Variants in NEGR1 observed in about 807,000 individuals in gnomAD.
The protein encoded by NEGR1 is neuronal growth regulator 1, also known as IgLON family member 4.
NEGR1 carries 10 observed loss-of-function variants against 40.9 expected under a neutral mutation model. The ratio of observed to expected loss-of-function variants is 0.24; its 90% CI spans 0.15 to 0.42. The LOEUF (loss-of-function observed/expected upper bound fraction) is 0.42, where lower values mean the gene tolerates loss of function less well. Among genes scored for constraint, NEGR1 ranks in the 10% least tolerant of loss-of-function variants. NEGR1 has a pLI of 1.00. For missense variants in NEGR1, 352 were observed against 438.9 expected, an observed-to-expected ratio of 0.80 and a Z score of 1.77; for synonymous variants, 185 against 166.8, an observed-to-expected ratio of 1.11 and a Z score of -0.84.
intron 3 of NEGR1, among the ~76,000 whole-genome samples, chr1:71,756,394 C>CA (rs1293104436): frequency 0.013 from 756 of 58,498 alleles, 10 homozygotes; most frequent in African/African-American, 0.047. Flanking sequence ...CTCAAAAAAA[C>CA]AAAAAACAAA....
intron 1 of NEGR1, among the ~76,000 whole-genome samples, chr1:72,231,619 T>C (rs987094216): frequency 6.6e-6 from 1 of 152,174 alleles, no homozygotes; most frequent in African/African-American, 2.4e-5. Flanking sequence ...TCATTATTTT[T>C]CCCCAATGAC....
intron 2 of NEGR1, among the ~76,000 whole-genome samples, chr1:71,821,486 T>C (rs1204600855): frequency 6.6e-6 from 1 of 152,002 alleles, no homozygotes; most frequent in Non-Finnish European, 1.5e-5. Context: ...ATTCATTTAA[T>C]ACTTAGAAAT....
At chr1:72,069,759 C>T (rs1253123179) in intron 1 of NEGR1, among the ~76,000 whole-genome samples, 3 of 152,054 alleles carry the variant, frequency 2.0e-5, no homozygotes, top group Non-Finnish European at 2.9e-5. Context: ...ACTGAAACAG[C>T]TTTAGAAATA....
At chr1:71,482,880 T>G (rs1007931177) in intron 6 of NEGR1, among the ~76,000 whole-genome samples, 1 of 151,884 alleles carries the variant, frequency 6.6e-6, no homozygotes, top group African/African-American at 2.4e-5. Flanking sequence ...GATGAAGCAC[T>G]AACGATGAAA....
intron 6 of NEGR1, among the ~76,000 whole-genome samples, chr1:71,504,280 A>G (rs1398040859): frequency 6.6e-6 from 1 of 152,000 alleles, no homozygotes; most frequent in Non-Finnish European, 1.5e-5. Flanking sequence ...TACTGAAGGA[A>G]GCTCAGTCGG....
chr1:71,472,033 T>C (rs1646786068), intron 6 of NEGR1, among the ~76,000 whole-genome samples: 1 of 152,182 alleles, frequency 6.6e-6, no homozygotes, highest in Admixed American at 6.6e-5. Flanking sequence ...TCTGATCACA[T>C]GTTGTTCTCT....
Position 71,396,414 on chromosome 1 carries a change from T to C in NEGR1, c.*11032A>G, listed in dbSNP as rs76504091. On this transcript the variant is annotated 3_prime_UTR_variant, in exon 7 of 7. Coordinates refer to ENST00000357731, the MANE Select transcript of NEGR1 (RefSeq NM_173808.3). ...TGCCACATGAACATTTCAGGTTATC[T>C]GAGAAACGTTAAGGTCAACCACTTT... The C allele has an allele frequency of 6.9e-4, 105 of 152,372 alleles. No homozygotes were observed. The highest frequency in any genetic ancestry group is 2.4e-3 in the African/African-American group (101 of 41,600). 9.4% of individuals were successfully genotyped at this position (152,372 alleles called of 1,614,324 possible).
chr1:71,836,772 T>C (rs1236252528), intron 2 of NEGR1, among the ~76,000 whole-genome samples: 1 of 152,072 alleles, frequency 6.6e-6, no homozygotes, highest in African/African-American at 2.4e-5. Context: ...CATGATTCCT[T>C]AACTGCCATA....
chr1:71,555,145 G>A (rs1176695629), intron 6 of NEGR1, among the ~76,000 whole-genome samples: 1 of 151,558 alleles, frequency 6.6e-6, no homozygotes, highest in Non-Finnish European at 1.5e-5. Flanking sequence ...GGCCATTGCT[G>A]CCATGAATCC....
At chr1:71,929,364 T>G (rs1645833026) in intron 2 of NEGR1, among the ~76,000 whole-genome samples, 1 of 152,116 alleles carries the variant, frequency 6.6e-6, no homozygotes, top group Admixed American at 6.6e-5. Flanking sequence ...TTTCATATGG[T>G]TTATTATTGT....
chr1:71,723,867 G>A (rs1654588672), intron 3 of NEGR1, among the ~76,000 whole-genome samples: 1 of 152,034 alleles, frequency 6.6e-6, no homozygotes, highest in Admixed American at 6.6e-5. Context: ...CTAACTTGTG[G>A]TATCTGACAC....
At chr1:72,233,585 G>A (rs1654450416) in intron 1 of NEGR1, among the ~76,000 whole-genome samples, 1 of 152,052 alleles carries the variant, frequency 6.6e-6, no homozygotes, top group East Asian at 1.9e-4. Context: ...TTAGGATAAT[G>A]GCCTCCAGCT....
intron 2 of NEGR1, among the ~76,000 whole-genome samples, chr1:71,887,754 T>A (rs373381356): frequency 1.3e-5 from 2 of 152,134 alleles, no homozygotes; most frequent in Non-Finnish European, 2.9e-5. Context: ...TTGTTGTTGT[T>A]TTTACTGCAA....
intron 2 of NEGR1, among the ~76,000 whole-genome samples, chr1:71,788,837 A>T (rs929482253): frequency 6.6e-6 from 1 of 152,048 alleles, no homozygotes; most frequent in Non-Finnish European, 1.5e-5. Context: ...AATGTTTGTC[A>T]TTTGCTATGC....
intron 4 of NEGR1, among the ~76,000 whole-genome samples, chr1:71,638,701 C>A (rs561061610): frequency 2.0e-5 from 3 of 152,102 alleles, no homozygotes; most frequent in African/African-American, 7.2e-5. Context: ...TATTCTAAAT[C>A]ATTACTATCT....
chr1:71,845,541 A>G (rs1177858126), intron 2 of NEGR1, among the ~76,000 whole-genome samples: 2 of 152,146 alleles, frequency 1.3e-5, no homozygotes, highest in Non-Finnish European at 2.9e-5. Context: ...TAGAAATAAT[A>G]TTTATTGAGC....
rs578156967 is a variant in NEGR1, at chr1:71,827,015, A to G, written c.410-50718T>C. 3.0e-3 allele frequency among the ~76,000 whole-genome samples: 459 copies of G among 151,948 alleles called. 4 individuals are homozygous for G. Among genetic ancestry groups the G allele is most frequent in the African/African-American group, 0.011 (443 of 41,494 alleles). ...TAAATAATAGGGCCTTTAGCAAGCGATTGCTTTTAAGCTTATACTTTTGCT... is the reference window on the plus strand; with the variant it reads ...TAAATAATAGGGCCTTTAGCAAGCGGTTGCTTTTAAGCTTATACTTTTGCT... On this transcript the variant is annotated intron_variant, in intron 2 of 6. Transcript: ENST00000357731.
At chr1:71,964,926 T>G (rs185941012) in intron 1 of NEGR1, among the ~76,000 whole-genome samples, 123 of 152,224 alleles carry the variant, frequency 8.1e-4, no homozygotes, top group Non-Finnish European at 1.4e-3. Flanking sequence ...GTGGCACTGT[T>G]AGTTCTCTAC....
At chr1:71,835,595 C>T (rs976701251) in intron 2 of NEGR1, among the ~76,000 whole-genome samples, 3 of 152,028 alleles carry the variant, frequency 2.0e-5, no homozygotes, top group South Asian at 2.1e-4. Context: ...CTAGTTATTT[C>T]CTGTCAGTCC....
Sources: allele counts gnomAD v4.1 joint callset (sites outside exome capture counted in the v4.1 genomes callset), GRCh38; gene constraint gnomAD v4.1.1; transcripts MANE v1.5; gene names NCBI Gene and HGNC (gene_info 2026-07-23, HGNC 2026-07-21).